CAMK1D: variants seen among roughly 807,000 people sequenced by gnomAD.
CAMK1D encodes the protein calcium/calmodulin dependent protein kinase ID.
CAMK1D carries 9 observed loss-of-function variants against 47.7 expected under a neutral mutation model. The ratio of observed to expected loss-of-function variants is 0.19; its 90% CI spans 0.11 to 0.33. The LOEUF is 0.33. Ranked by LOEUF, CAMK1D falls within the 10% of genes least tolerant of loss-of-function variation. The pLI is 1.00. For missense variants in CAMK1D, 291 were observed against 488.7 expected (o/e 0.60, Z 3.81); for synonymous variants, 184 against 184.9 (o/e 0.99, Z 0.04).
intron 1 of CAMK1D, among the ~76,000 whole-genome samples, chr10:12,447,631 G>A (rs1832959551): frequency 6.6e-6 from 1 of 152,186 alleles, no homozygotes; most frequent in Admixed American, 6.6e-5. Context: ...GAGCCTGAGA[G>A]GTTGGGACTG....
chr10:12,496,999 C>T (rs1208761794), intron 1 of CAMK1D, among the ~76,000 whole-genome samples: 1 of 152,160 alleles, frequency 6.6e-6, no homozygotes. Flanking sequence ...GTTTGGTTTC[C>T]TGTTACTGCG....
intron 3 of CAMK1D, among the ~76,000 whole-genome samples, chr10:12,756,733 T>C (rs570327799): frequency 6.6e-6 from 1 of 152,274 alleles, no homozygotes; most frequent in East Asian, 1.9e-4. Context: ...GACACCATCC[T>C]GGCTAACACG....
chr10:12,684,018 A>T (rs1306559542), intron 3 of CAMK1D, among the ~76,000 whole-genome samples: 2 of 152,096 alleles, frequency 1.3e-5, no homozygotes, highest in Non-Finnish European at 2.9e-5. Context: ...AAAACATACA[A>T]ATTAGGCCGT....
intron 8 of CAMK1D, among the ~76,000 whole-genome samples, chr10:12,820,858 C>T (rs1832990109): frequency 1.3e-5 from 2 of 152,202 alleles, no homozygotes; most frequent in African/African-American, 4.8e-5. Flanking sequence ...GACTGATGGC[C>T]ACAGTGTAGG....
At chr10:12,548,013 G>A (rs776523788) in intron 1 of CAMK1D, among the ~76,000 whole-genome samples, 8 of 152,084 alleles carry the variant, frequency 5.3e-5, no homozygotes, top group Middle Eastern at 3.2e-3. Context: ...TGTCACCTGC[G>A]GTGCTTGCCA....
At chr10:12,703,060 GTTCATCTGATTGTTTTTGTTGTTT>G (rs2130727044) in intron 3 of CAMK1D, among the ~76,000 whole-genome samples, 1 of 152,292 alleles carries the variant, frequency 6.6e-6, no homozygotes, top group East Asian at 1.9e-4. Context: ...TTCCAAAGAA[GTTCATCTGATTGTTTTTGTTGTTT>G]TTCCATCCAA....
intron 8 of CAMK1D, among the ~76,000 whole-genome samples, chr10:12,821,670 G>C (rs1239982984): frequency 1.3e-5 from 2 of 152,240 alleles, no homozygotes; most frequent in Non-Finnish European, 2.9e-5. Flanking sequence ...CATTGTTCTT[G>C]TAGGTATTAA....
chr10:12,561,414 C>A (rs1423501813), intron 2 of CAMK1D, among the ~76,000 whole-genome samples: 1 of 152,124 alleles, frequency 6.6e-6, no homozygotes, highest in Non-Finnish European at 1.5e-5. Flanking sequence ...TCTGCGAAGC[C>A]TTTAATCACC....
chr10:12,373,731 C>T (rs892844609), intron 1 of CAMK1D, among the ~76,000 whole-genome samples: 4 of 151,848 alleles, frequency 2.6e-5, no homozygotes, highest in African/African-American at 9.7e-5. Flanking sequence ...TGCTGTCTGC[C>T]GCTCTGCATG....
intron 3 of CAMK1D, among the ~76,000 whole-genome samples, chr10:12,756,789 G>A (rs149646605): frequency 9.9e-4 from 151 of 152,278 alleles, no homozygotes; most frequent in African/African-American, 3.3e-3. Flanking sequence ...TTAGCCGGGC[G>A]TGGTGGTGGC....
At chr10:12,380,399 G>GT (rs1200926477) in intron 1 of CAMK1D, among the ~76,000 whole-genome samples, 2 of 152,162 alleles carry the variant, frequency 1.3e-5, no homozygotes, top group African/African-American at 4.8e-5. Flanking sequence ...TGGAGCCTAG[G>GT]TTTTGTAATG....
intron 3 of CAMK1D, among the ~76,000 whole-genome samples, chr10:12,757,852 C>CTTT (rs869125453): frequency 2.7e-3 from 243 of 91,418 alleles, no homozygotes; most frequent in South Asian, 8.9e-3. Flanking sequence ...GGGCCCTGCT[C>CTTT]TTTTTTTTTT....
intron 2 of CAMK1D, among the ~76,000 whole-genome samples, chr10:12,660,968 G>A (rs1840258050): frequency 6.6e-6 from 1 of 152,176 alleles, no homozygotes; most frequent in Non-Finnish European, 1.5e-5. Flanking sequence ...GCCTATAACT[G>A]ACATCTCTGC....
intron 1 of CAMK1D, among the ~76,000 whole-genome samples, chr10:12,536,548 G>T: frequency 6.6e-6 from 1 of 152,178 alleles, no homozygotes; most frequent in Non-Finnish European, 1.5e-5. Context: ...CACAGTGCTG[G>T]GATTACAAGT....
chr10:12,811,147 A>G (rs958115830), intron 6 of CAMK1D, among the ~76,000 whole-genome samples: 2 of 152,154 alleles, frequency 1.3e-5, no homozygotes, highest in African/African-American at 4.8e-5. Context: ...TTTGAAGCCT[A>G]GAAAAATTGG....
intron 2 of CAMK1D, among the ~76,000 whole-genome samples, chr10:12,570,923 C>T (rs1330995666): frequency 1.3e-5 from 2 of 151,934 alleles, no homozygotes; most frequent in African/African-American, 2.4e-5. Context: ...TGCACTCTAG[C>T]CTGGGTGACA....
chr10:12,368,161 C>T (rs35884412), intron 1 of CAMK1D, among the ~76,000 whole-genome samples: 5,224 of 149,946 alleles, frequency 0.035, 117 homozygotes, highest in South Asian at 0.072. Flanking sequence ...CACTGCAGTC[C>T]GCAGTCCGGC....
At chr10:12,592,256 A>G (rs1588668907) in intron 2 of CAMK1D, among the ~76,000 whole-genome samples, 1 of 152,122 alleles carries the variant, frequency 6.6e-6, no homozygotes, top group Non-Finnish European at 1.5e-5. Flanking sequence ...GGCACCCTCT[A>G]TCTTTCTCCT....
chr10:12,442,690 A>T (rs1832817168), intron 1 of CAMK1D, among the ~76,000 whole-genome samples: 1 of 152,152 alleles, frequency 6.6e-6, no homozygotes, highest in Non-Finnish European at 1.5e-5. Flanking sequence ...CATCCTGCTG[A>T]TATCATGGTT....
Sources: allele counts gnomAD v4.1 joint callset (sites outside exome capture counted in the v4.1 genomes callset), GRCh38; gene constraint gnomAD v4.1.1; transcripts MANE v1.5; gene names NCBI Gene and HGNC (gene_info 2026-07-23, HGNC 2026-07-21).